The following MYOM1 variants were observed in gnomAD, a reference collection of about 807,000 sequenced individuals.
MYOM1 encodes myomesin 1, also known as myomesin-1.
Under a neutral mutation model 205.3 loss-of-function variants are expected in MYOM1, and 164 were observed. The ratio of observed to expected loss-of-function variants is 0.80; its 90% CI spans 0.70 to 0.91. The LOEUF (loss-of-function observed/expected upper bound fraction) is 0.91. Ranked by LOEUF, MYOM1 falls within the 40% of genes least tolerant of loss-of-function variation. MYOM1 has a pLI of 0.00. For synonymous variants in MYOM1, 772 were observed against 789.4 expected (o/e 0.98, Z 0.37); for missense variants, 2,011 against 2,127.3 (o/e 0.95, Z 1.08).
chr18:3,226,409 G>C, the MYOM1 span, among the ~76,000 whole-genome samples: 1 of 152,196 alleles, frequency 6.6e-6, no homozygotes, highest in South Asian at 2.1e-4. The surrounding 1 kb of genome is among the most constrained non-coding windows in gnomAD (Gnocchi z 4.6). Flanking sequence ...CACCCTATGA[G>C]CCTCCATAAT....
rs778044373 is a variant in MYOM1 at position 3,134,635 on chromosome 18, A to G, written c.2384+15T>C. Reference sequence around the variant, plus strand: ...CCAGAGGCCATTGCCCGCCCTGCACACCCGACTGAGTTACCGTGAGCCCTT... The same window carrying G: ...CCAGAGGCCATTGCCCGCCCTGCACGCCCGACTGAGTTACCGTGAGCCCTT... On this transcript the variant is annotated intron_variant, in intron 16 of 37. Coordinates refer to ENST00000356443, the MANE Select transcript of MYOM1 (RefSeq NM_003803.4). 3 of 1,601,182 alleles carry G rather than the reference A, an allele frequency of 1.9e-6. No homozygotes were observed. Among genetic ancestry groups the G allele is most frequent in the Non-Finnish European group, 2.6e-6 (3 of 1,170,798 alleles).
intron 2 of MYOM1, 102 bp from the exon 3 acceptor site, chr18:3,194,060 C>A: frequency 8.5e-7 from 1 of 1,181,746 alleles, no homozygotes; most frequent in Non-Finnish European, 1.2e-6. Context: ...TTTACCAAAT[C>A]CTAGATCTCT....
chr18:3,074,564 C>CTG (rs1002107105), intron 36 of MYOM1, among the ~76,000 whole-genome samples: 4 of 152,172 alleles, frequency 2.6e-5, no homozygotes, highest in Admixed American at 6.5e-5. Flanking sequence ...TTCTAAAAAT[C>CTG]TGTGTGTGTG....
intron 23 of MYOM1, among the ~76,000 whole-genome samples, chr18:3,100,694 G>GTGCA (rs1255083449): frequency 3.9e-5 from 6 of 152,190 alleles, no homozygotes; most frequent in Non-Finnish European, 1.5e-5. Context: ...TTGCTTATCA[G>GTGCA]TGCATATCCT....
chr18:3,186,824 GAGAA>G (rs1309573510), intron 5 of MYOM1, among the ~76,000 whole-genome samples: 3 of 130,290 alleles, frequency 2.3e-5, no homozygotes, highest in African/African-American at 8.9e-5. Context: ...AAGAAAGAAA[GAGAA>G]AGAAAGAAGA....
At position 3,121,223 on chromosome 18, in the gene MYOM1, A is replaced by G. The variant is rs567204858; in HGVS notation, c.2992-1228T>C. 7.2e-5 allele frequency among the ~76,000 whole-genome samples: 11 copies of G among 152,290 alleles called. No individual in the cohort carries two copies. The South Asian group carries it at 2.3e-3, about 32-fold the overall frequency. ...TGAGGGAGAAACAATATTTTAGGAG[A>G]TACAGAATTTTCTAGAAAGATCTTC... is the stretch of plus-strand genomic sequence containing the variant. On this transcript the variant is annotated intron_variant, in intron 19 of 37. Coordinates refer to ENST00000356443, the MANE Select transcript of MYOM1 (RefSeq NM_003803.4).
chr18:3,148,578 TG>T (rs1390762413), intron 13 of MYOM1, among the ~76,000 whole-genome samples: 2 of 152,028 alleles, frequency 1.3e-5, no homozygotes, highest in Non-Finnish European at 2.9e-5. Flanking sequence ...CCGGGCGCGG[TG>T]GCTCACGTCT....
intron 16 of MYOM1, among the ~76,000 whole-genome samples, chr18:3,133,444 CAAGG>C (rs1338020524): frequency 6.6e-6 from 1 of 152,072 alleles, no homozygotes; most frequent in South Asian, 2.1e-4. Flanking sequence ...TAGTTGAAAG[CAAGG>C]AAGAAACCAA....
intron 19 of MYOM1, among the ~76,000 whole-genome samples, chr18:3,120,355 G>A (rs567899248): frequency 7.2e-5 from 11 of 152,168 alleles, no homozygotes; most frequent in Admixed American, 6.5e-4. Context: ...AATGGGGTTC[G>A]GGCCCCTCCT....
intron 34 of MYOM1, among the ~76,000 whole-genome samples, chr18:3,077,509 A>G (rs2079032798): frequency 6.6e-6 from 1 of 152,206 alleles, no homozygotes; most frequent in Non-Finnish European, 1.5e-5. Flanking sequence ...AATGAAGGGT[A>G]GACCAGTTAG....
At chr18:3,131,642 G>A in intron 16 of MYOM1, 146 bp from the exon 17 acceptor site, 1 of 763,986 alleles carries the variant, frequency 1.3e-6, no homozygotes. Context: ...GGGTCTTGCT[G>A]TGTTTCCCAG....
intron 5 of MYOM1, among the ~76,000 whole-genome samples, chr18:3,178,998 G>A (rs2080689969): frequency 6.6e-6 from 1 of 152,020 alleles, no homozygotes; most frequent in Non-Finnish European, 1.5e-5. Context: ...CTACCAAGTA[G>A]CTGGGACTAC....
At position 3,135,773 on chromosome 18, in the gene MYOM1, C is replaced by T. The variant is rs1486209736; in HGVS notation, c.2026-43G>A. The T allele has an allele frequency of 3.7e-6, 6 of 1,606,762 alleles. No individual in the cohort carries two copies. The highest frequency in any genetic ancestry group is 5.1e-6 in the Non-Finnish European group (6 of 1,175,418). On this transcript the variant is annotated intron_variant, in intron 14 of 37. Transcript: ENST00000356443. The surrounding 1 kb of genome is among the most constrained non-coding windows in gnomAD (Gnocchi z 4.1). ...AAACCCATTGAAAGCACAGCAAACA[C>T]AAGCGAGAATCCAGGCCAGGCAACT...
intron 5 of MYOM1, 109 bp from the exon 6 acceptor site, chr18:3,176,243 A>G (rs994635041): frequency 1.5e-6 from 1 of 659,186 alleles, no homozygotes; most frequent in African/African-American, 1.8e-5. Context: ...CAGGGCACTG[A>G]GGGTAGCAGC....
chr18:3,201,923 T>C (rs1567966196), intron 2 of MYOM1, among the ~76,000 whole-genome samples: 1 of 152,122 alleles, frequency 6.6e-6, no homozygotes, highest in South Asian at 2.1e-4. Context: ...GAATTGCACA[T>C]GTAAGCCACT....
chr18:3,154,991 T>C lies in MYOM1; in HGVS notation c.1599A>G (p.Pro533=). ...GAATAGGACTCCCTCCATCGACAGC[T>C]GGCTGTTTCCAGGAGATGATGATAT... The part of the protein sequence containing the change: ...KDYIIISWKQ[P]AVDGGSPILG... The change falls in exon 11 of 38, where the codon CCA becomes CCG. Residue 533 remains proline, a synonymous_variant. Coordinates refer to ENST00000356443, the MANE Select transcript of MYOM1 (RefSeq NM_003803.4). 6.2e-7 allele frequency: 1 copy of C among 1,613,264 alleles called. No homozygotes were observed. The highest frequency in any genetic ancestry group is 8.5e-7 in the Non-Finnish European group (1 of 1,179,576).
intron 22 of MYOM1, among the ~76,000 whole-genome samples, chr18:3,109,075 G>A (rs2079490438): frequency 6.6e-6 from 1 of 151,786 alleles, no homozygotes; most frequent in East Asian, 1.9e-4. Flanking sequence ...CTGCCTCCCA[G>A]GTTCAAGTGA....
At position 3,129,312 on chromosome 18, in the gene MYOM1, TC is replaced by T. The variant is rs1289818705; in HGVS notation, c.2713del (p.Glu905LysfsTer21). On this transcript the variant is annotated frameshift_variant, in exon 18 of 38. Transcript: ENST00000356443. LOFTEE classifies it high-confidence loss of function. ...EVSKVSETVQ[E>X]ELTPPPQKAA... ...TTTCTGTGGTGGCGGGGTAAGCTCT[TC>T]CTGAACTGTTTCACTTACTTTACTC... The T allele has an allele frequency of 1.2e-6, 2 of 1,614,036 alleles. No homozygotes were observed. The highest frequency in any genetic ancestry group is 1.1e-5 in the South Asian group (1 of 91,092).
At chr18:3,222,186 A>G (rs2081335389), upstream of MYOM1, among the ~76,000 whole-genome samples, 1 of 152,236 alleles carries the variant, frequency 6.6e-6, no homozygotes, top group Non-Finnish European at 1.5e-5. Context: ...GAGTCCACAT[A>G]TATAAAGGAA....
Sources: allele counts gnomAD v4.1 joint callset (sites outside exome capture counted in the v4.1 genomes callset), GRCh38; gene constraint gnomAD v4.1.1; non-coding constraint Gnocchi (gnomAD v3.1); transcripts MANE v1.5; gene names NCBI Gene and HGNC (gene_info 2026-07-23, HGNC 2026-07-21).